Variants in TSHZ2 observed in about 807,000 individuals in gnomAD.
TSHZ2 encodes the protein teashirt homolog 2.
A neutral mutation model predicts 74.4 loss-of-function variants in TSHZ2; 21 were observed. The ratio of observed to expected loss-of-function variants is 0.28; its 90% CI spans 0.20 to 0.41. The LOEUF (loss-of-function observed/expected upper bound fraction) is 0.41, where lower values mean the gene tolerates loss of function less well. Among genes scored for constraint, TSHZ2 ranks in the 10% least tolerant of loss-of-function variants. The pLI is 1.00. For missense variants in TSHZ2, 1,244 were observed against 1,293.5 expected (o/e 0.96, Z 0.59); for synonymous variants, 540 against 515.3 (o/e 1.05, Z -0.65).
chr20:53,044,913 T>C (rs143896711), intron 1 of TSHZ2, among the ~76,000 whole-genome samples: 354 of 152,198 alleles, frequency 2.3e-3, no homozygotes, highest in African/African-American at 8.2e-3. Flanking sequence ...GGTCTCACTT[T>C]TTTGCCCAGG....
At chr20:53,328,038 T>C (rs1979567797) in intron 2 of TSHZ2, among the ~76,000 whole-genome samples, 1 of 152,206 alleles carries the variant, frequency 6.6e-6, no homozygotes, top group Non-Finnish European at 1.5e-5. Flanking sequence ...ATATGCAAAG[T>C]GAAGCCTTGG....
At chr20:53,279,271 A>G (rs1991009337) in intron 2 of TSHZ2, among the ~76,000 whole-genome samples, 1 of 152,360 alleles carries the variant, frequency 6.6e-6, no homozygotes, top group East Asian at 1.9e-4. Context: ...AGCTGTATTC[A>G]ATCTTCCATT....
intron 1 of TSHZ2, among the ~76,000 whole-genome samples, chr20:53,018,221 G>C (rs1983111394): frequency 6.6e-6 from 1 of 152,130 alleles, no homozygotes; most frequent in South Asian, 2.1e-4. Context: ...GAAGACTCTA[G>C]AGTTATAAAC....
intron 1 of TSHZ2, among the ~76,000 whole-genome samples, chr20:53,031,947 AAGG>A (rs1222842949): frequency 1.3e-5 from 2 of 152,084 alleles, no homozygotes; most frequent in African/African-American, 4.8e-5. Context: ...GAAAGGAAGA[AAGG>A]AAGGAAGGAA....
chr20:53,337,865 G>T (rs1027664345), intron 2 of TSHZ2, among the ~76,000 whole-genome samples: 1 of 152,214 alleles, frequency 6.6e-6, no homozygotes, highest in Non-Finnish European at 1.5e-5. Flanking sequence ...CTAATTGTAC[G>T]CTAGAGCAGA....
rs1980024894 is a variant in TSHZ2 at position 53,338,010 on chromosome 20, T to C, written c.*8+81439T>C. On this transcript the variant is annotated intron_variant, in intron 2 of 2. Transcript: ENST00000371497. Reference sequence around the variant, plus strand: ...CCCTGGCCAGGCAGCATGAGACGTGTTCATGAGGAAGTTAGAAAACCTCTC... The same window carrying C: ...CCCTGGCCAGGCAGCATGAGACGTGCTCATGAGGAAGTTAGAAAACCTCTC... Among the ~76,000 whole-genome samples the C allele has an allele frequency of 2.0e-5, 3 of 152,136 alleles. No homozygotes were observed. In the South Asian group the frequency reaches 6.2e-4, roughly 32 times the overall value.
At chr20:53,120,002 C>A (rs1365068826) in intron 1 of TSHZ2, among the ~76,000 whole-genome samples, 1 of 152,200 alleles carries the variant, frequency 6.6e-6, no homozygotes, top group Admixed American at 6.6e-5. Flanking sequence ...ATAAGGCCCT[C>A]TAATTATGGA....
At chr20:53,448,194 G>T (rs1984634730) in intron 2 of TSHZ2, among the ~76,000 whole-genome samples, 1 of 152,206 alleles carries the variant, frequency 6.6e-6, no homozygotes, top group African/African-American at 2.4e-5. Context: ...ATCGGGTGCT[G>T]CAGCTGAGGA....
At chr20:53,451,302 C>T (rs1163842724) in intron 2 of TSHZ2, among the ~76,000 whole-genome samples, 1 of 152,180 alleles carries the variant, frequency 6.6e-6, no homozygotes, top group Non-Finnish European at 1.5e-5. Context: ...ATAAAGCACT[C>T]ATATTTTTAT....
intron 1 of TSHZ2, among the ~76,000 whole-genome samples, chr20:53,109,930 G>A (rs945491178): frequency 6.6e-6 from 1 of 152,176 alleles, no homozygotes; most frequent in Non-Finnish European, 1.5e-5. Context: ...TACACTCAGA[G>A]ATCTCAAAAT....
chr20:52,995,305 C>T (rs796187545), intron 1 of TSHZ2, among the ~76,000 whole-genome samples: 8 of 152,302 alleles, frequency 5.3e-5, no homozygotes, highest in South Asian at 4.1e-4. Context: ...CTACCATCAT[C>T]GTCCATCTGG....
chr20:53,432,758 G>C (rs1266871236), intron 2 of TSHZ2, among the ~76,000 whole-genome samples: 1 of 151,960 alleles, frequency 6.6e-6, no homozygotes, highest in Middle Eastern at 3.2e-3. Context: ...TTTTTCAGTT[G>C]GGCTTCTGAA....
chr20:53,302,293 T>C (rs1978342248), intron 2 of TSHZ2, among the ~76,000 whole-genome samples: 1 of 152,138 alleles, frequency 6.6e-6, no homozygotes, highest in African/African-American at 2.4e-5. Context: ...GAGGAAAATT[T>C]TGTGGGAATT....
intron 1 of TSHZ2, among the ~76,000 whole-genome samples, chr20:53,005,185 C>T (rs1600641289): frequency 6.6e-6 from 1 of 151,904 alleles, no homozygotes; most frequent in Non-Finnish European, 1.5e-5. Flanking sequence ...TGTGGTGGTG[C>T]ACACCTGTAC....
At chr20:53,340,276 A>G (rs1469430871) in intron 2 of TSHZ2, among the ~76,000 whole-genome samples, 1 of 135,304 alleles carries the variant, frequency 7.4e-6, no homozygotes, top group Non-Finnish European at 1.5e-5. Context: ...TCCGCCTCCC[A>G]AGTTCACGTC....
intron 2 of TSHZ2, among the ~76,000 whole-genome samples, chr20:53,358,935 T>C (rs1390008415): frequency 1.3e-5 from 2 of 152,204 alleles, no homozygotes; most frequent in African/African-American, 2.4e-5. Context: ...GAATGCTATT[T>C]ATTATTTTAG....
intron 1 of TSHZ2, among the ~76,000 whole-genome samples, chr20:53,171,028 G>A (rs1988188928): frequency 6.6e-6 from 1 of 151,452 alleles, no homozygotes; most frequent in African/African-American, 2.4e-5. Context: ...ATAGAATTAT[G>A]CACCGCAGCT....
chr20:53,297,910 G>A (rs1053088292), intron 2 of TSHZ2, among the ~76,000 whole-genome samples: 1 of 152,166 alleles, frequency 6.6e-6, no homozygotes, highest in African/African-American at 2.4e-5. Context: ...GAATTTAGTG[G>A]CCTCTTACAG....
intron 2 of TSHZ2, among the ~76,000 whole-genome samples, chr20:53,341,114 C>T (rs368260189): frequency 6.6e-6 from 1 of 152,206 alleles, no homozygotes; most frequent in Non-Finnish European, 1.5e-5. Context: ...AGGACAGTCC[C>T]TGGCACATAG....
Sources: allele counts gnomAD v4.1 joint callset (sites outside exome capture counted in the v4.1 genomes callset), GRCh38; gene constraint gnomAD v4.1.1; transcripts MANE v1.5; gene names NCBI Gene and HGNC (gene_info 2026-07-23, HGNC 2026-07-21).